GRP: variants seen among roughly 807,000 people sequenced by gnomAD.
GRP encodes the protein gastrin-releasing peptide.
A neutral mutation model predicts 12.7 loss-of-function variants in GRP; 11 were observed. That is an observed-to-expected ratio of 0.87 (90% CI 0.55 to 1.44). The LOEUF is 1.44. Among genes scored for constraint, GRP ranks in the 40% most tolerant of loss-of-function variants. The pLI is 0.00. For synonymous variants in GRP, 84 were observed against 77.7 expected (o/e 1.08, Z -0.43); for missense variants, 212 against 185.4 (o/e 1.14, Z -0.83).
chr18:59,219,923 G>C (rs979689501), upstream of GRP, among the ~76,000 whole-genome samples: 5 of 152,124 alleles, frequency 3.3e-5, no homozygotes, highest in Non-Finnish European at 7.4e-5. Flanking sequence ...GTCGAGGACC[G>C]GAGGAATTAA....
upstream of GRP, chr18:59,220,122 G>T (rs959598226): frequency 2.2e-5 from 9 of 413,414 alleles, no homozygotes; most frequent in Non-Finnish European, 3.8e-5. Flanking sequence ...CCCCGCCCGG[G>T]CTTCCATATA....
chr18:59,220,962 A>G (rs1450432009), intron 1 of GRP, among the ~76,000 whole-genome samples: 3 of 152,214 alleles, frequency 2.0e-5, no homozygotes, highest in Non-Finnish European at 4.4e-5. Flanking sequence ...TTCAGTGCGC[A>G]GTGCCCTGAA....
chr18:59,220,908 T>G (rs2069821618), intron 1 of GRP, among the ~76,000 whole-genome samples: 1 of 152,222 alleles, frequency 6.6e-6, no homozygotes. Context: ...GCCACAGGTG[T>G]GGGGACCTAG....
chr18:59,224,319 A>T (rs1326912427), intron 1 of GRP, among the ~76,000 whole-genome samples: 3 of 152,230 alleles, frequency 2.0e-5, no homozygotes, highest in Non-Finnish European at 2.9e-5. Flanking sequence ...TGCAAATCGC[A>T]ATACACATAA....
intron 2 of GRP, among the ~76,000 whole-genome samples, chr18:59,229,156 T>C (rs189083726): frequency 2.6e-5 from 4 of 152,286 alleles, no homozygotes; most frequent in African/African-American, 9.6e-5. Flanking sequence ...ACCTTCTGAT[T>C]ACCCTGGCAC....
Position 59,225,942 on chromosome 18 carries a change from C to T in GRP, c.382+208C>T, listed in dbSNP as rs77656145. Among the ~76,000 whole-genome samples, 26 of 152,190 alleles carry T rather than the reference C, an allele frequency of 1.7e-4. No homozygotes were observed. In the East Asian group the frequency reaches 4.6e-3, roughly 27 times the overall value. On this transcript the variant is annotated intron_variant, in intron 2 of 2. Transcript: ENST00000256857. ...GTCAAAAGGATATTGATTCCAAACT[C>T]CAATTTAGGAGTTTTTTTCAGCAAT... is the stretch of plus-strand genomic sequence containing the variant.
chr18:59,228,171 A>G (rs1056068028), intron 2 of GRP, among the ~76,000 whole-genome samples: 4 of 152,180 alleles, frequency 2.6e-5, no homozygotes, highest in African/African-American at 9.7e-5. Context: ...GTTTGCAGAG[A>G]CCAAAATATT....
At position 59,225,555 on chromosome 18, in the gene GRP, A is replaced by T. The variant is rs770435339; in HGVS notation, c.203A>T (p.Lys68Met). The T allele has an allele frequency of 1.2e-6, 2 of 1,613,856 alleles. No homozygotes were observed. The highest frequency in any genetic ancestry group is 1.7e-5 in the Admixed American group (1 of 60,002). ...SSSVSERGSL[K>M]QQLREYIRWE... ...TCTGTTTCTGAGAGAGGGAGCCTGA[A>T]GCAGCAGCTGAGAGAGTACATCAGG... is the stretch of plus-strand genomic sequence containing the variant. The change falls in exon 2 of 3, where the codon AAG becomes ATG. Residue 68 changes from lysine (K) to methionine (M), a missense_variant. Coordinates refer to ENST00000256857, the MANE Select transcript of GRP (RefSeq NM_002091.5).
chr18:59,226,991 TCC>T (rs368612138), intron 2 of GRP, among the ~76,000 whole-genome samples: 55 of 134,460 alleles, frequency 4.1e-4, no homozygotes, highest in African/African-American at 1.6e-3. Context: ...TTTCTTTTCT[TCC>T]TTTCTTTCTT....
At chr18:59,225,092 T>C (rs1383720574) in intron 1 of GRP, among the ~76,000 whole-genome samples, 2 of 152,194 alleles carry the variant, frequency 1.3e-5, no homozygotes, top group Non-Finnish European at 2.9e-5. Flanking sequence ...CAGCTGGAAA[T>C]AGAATTTGGT....
intron 1 of GRP, among the ~76,000 whole-genome samples, chr18:59,224,941 T>G (rs900903711): frequency 1.3e-5 from 2 of 152,198 alleles, no homozygotes; most frequent in Non-Finnish European, 2.9e-5. Flanking sequence ...AAAGTTTAAA[T>G]GAAAAATTCC....
rs1465215260 is a variant in GRP at position 59,225,659 on chromosome 18, G to A, written c.307G>A (p.Ala103Thr). 2 of 1,614,086 alleles carry A rather than the reference G, an allele frequency of 1.2e-6. No homozygotes were observed. Among genetic ancestry groups the A allele is most frequent in the Non-Finnish European group, 1.7e-6 (2 of 1,179,968 alleles). ...AAACCACCAGCCACCTCAACCCAAG[G>A]CCCTGGGCAATCAGCAGCCTTCGTG... ...NRNHQPPQPK[A>T]LGNQQPSWDS... is the part of the protein sequence containing the mutation. The change falls in exon 2 of 3, where the codon GCC becomes ACC. Residue 103 changes from alanine (A) to threonine (T), a missense_variant. Coordinates refer to ENST00000256857, the MANE Select transcript of GRP (RefSeq NM_002091.5).
At chr18:59,225,984 T>C (rs949857452) in intron 2 of GRP, among the ~76,000 whole-genome samples, 4 of 151,886 alleles carry the variant, frequency 2.6e-5, no homozygotes, top group Non-Finnish European at 5.9e-5. Context: ...TATTTGCCAT[T>C]ACGCATTGAT....
intron 2 of GRP, among the ~76,000 whole-genome samples, chr18:59,226,111 T>G (rs1053165824): frequency 2.0e-5 from 3 of 152,192 alleles, no homozygotes; most frequent in Non-Finnish European, 4.4e-5. Flanking sequence ...TGAACACTAG[T>G]GGAAGTTCCT....
chr18:59,226,997 CTTTCTTT>C (rs1568084813), intron 2 of GRP, among the ~76,000 whole-genome samples: 731 of 37,616 alleles, frequency 0.019, 6 homozygotes, highest in African/African-American at 0.045. Context: ...TTCTTCCTTT[CTTTCTTT>C]CTTTCTTTCT....
intron 2 of GRP, among the ~76,000 whole-genome samples, chr18:59,229,178 G>T (rs2069990583): frequency 6.7e-6 from 1 of 149,450 alleles, no homozygotes; most frequent in South Asian, 2.1e-4. Flanking sequence ...TTCTATGAAG[G>T]AGTAGAGTAA....
chr18:59,227,341 T>C (rs1208535887), intron 2 of GRP, among the ~76,000 whole-genome samples: 2 of 152,198 alleles, frequency 1.3e-5, no homozygotes, highest in Non-Finnish European at 2.9e-5. Context: ...ACCAACTTTG[T>C]ACAAAACCCC....
rs1491177581 is a variant in GRP, at chr18:59,226,992, C to CCTTCCTTT, written c.382+1261_382+1262insCCTTTCTT. Among the ~76,000 whole-genome samples, 472 of 107,858 alleles carry CCTTCCTTT rather than the reference C, an allele frequency of 4.4e-3. 5 individuals carry two copies. The highest frequency in any genetic ancestry group is 0.016 in the African/African-American group (397 of 25,484). 70.8% of individuals were successfully genotyped at this position (107,858 alleles called of 152,430 possible). A position where few individuals can be genotyped will look rare whatever the true frequency, so the allele number is the denominator to read the frequency against. On this transcript the variant is annotated intron_variant, in intron 2 of 2. Transcript: ENST00000256857. ...TTCTGGCTATGTGGTTTCTTTTCTTCCTTTCTTTCTTTCTTTCTTTCTTTC... is the reference window on the plus strand; with the variant it reads ...TTCTGGCTATGTGGTTTCTTTTCTTCCTTCCTTTCTTTCTTTCTTTCTTTCTTTCTTTC...
At chr18:59,227,351 C>T (rs936862455) in intron 2 of GRP, among the ~76,000 whole-genome samples, 1 of 152,112 alleles carries the variant, frequency 6.6e-6, no homozygotes, top group Non-Finnish European at 1.5e-5. Context: ...TACAAAACCC[C>T]AAGCGATTGT....
Sources: gnomAD v4.1 joint callset for allele counts (sites outside exome capture counted in the v4.1 genomes callset) on GRCh38, gnomAD v4.1.1 for gene constraint, MANE v1.5 for transcripts, NCBI Gene and HGNC (gene_info 2026-07-23, HGNC 2026-07-21) for gene names.